Variants in CPEB3 observed in about 807,000 individuals in gnomAD.
CPEB3 encodes the protein cytoplasmic polyadenylation element-binding protein 3.
Under a neutral mutation model 67.2 loss-of-function variants are expected in CPEB3, and 20 were observed. That is an observed-to-expected ratio of 0.30 (90% CI 0.21 to 0.43). The LOEUF (loss-of-function observed/expected upper bound fraction) is 0.43, where lower values mean the gene tolerates loss of function less well. Among genes scored for constraint, CPEB3 ranks in the 20% least tolerant of loss-of-function variants. The pLI is 1.00. For synonymous variants in CPEB3, 376 were observed against 393.1 expected (o/e 0.96, Z 0.51); for missense variants, 746 against 968.6 (o/e 0.77, Z 3.05).
At chr10:92,156,797 T>C (rs1847230022) in intron 4 of CPEB3, among the ~76,000 whole-genome samples, 1 of 152,172 alleles carries the variant, frequency 6.6e-6, no homozygotes, top group African/African-American at 2.4e-5. Flanking sequence ...ATGATGATGA[T>C]GAAAAGCAAA....
intron 7 of CPEB3, among the ~76,000 whole-genome samples, chr10:92,101,862 T>C (rs1844205064): frequency 6.6e-6 from 1 of 152,134 alleles, no homozygotes; most frequent in Non-Finnish European, 1.5e-5. Flanking sequence ...GAGCCGAGAT[T>C]ATGCCACTGC....
intron 1 of CPEB3, among the ~76,000 whole-genome samples, chr10:92,251,440 T>C (rs1852298965): frequency 6.6e-6 from 1 of 152,098 alleles, no homozygotes; most frequent in African/African-American, 2.4e-5. Context: ...AATACTGAGA[T>C]TTAAAGTTAT....
chr10:92,163,358 C>T (rs1210827280), intron 4 of CPEB3, among the ~76,000 whole-genome samples: 2 of 151,910 alleles, frequency 1.3e-5, no homozygotes, highest in Non-Finnish European at 2.9e-5. Flanking sequence ...CGCTTGAACC[C>T]GGGAGGCGGA....
At chr10:92,095,160 C>G (rs1324074376) in intron 7 of CPEB3, among the ~76,000 whole-genome samples, 1 of 152,112 alleles carries the variant, frequency 6.6e-6, no homozygotes, top group Non-Finnish European at 1.5e-5. Context: ...TCTGCCCACT[C>G]CCCAACCCCC....
At chr10:92,104,185 AAAGT>A (rs1231306846) in intron 7 of CPEB3, among the ~76,000 whole-genome samples, 1 of 152,236 alleles carries the variant, frequency 6.6e-6, no homozygotes, top group East Asian at 1.9e-4. Context: ...TACAATGCAC[AAAGT>A]AAGTGCTCAA....
intron 2 of CPEB3, among the ~76,000 whole-genome samples, chr10:92,218,498 C>T (rs1406414086): frequency 6.6e-6 from 1 of 152,152 alleles, no homozygotes; most frequent in Non-Finnish European, 1.5e-5. Flanking sequence ...CATTACATGG[C>T]CAATTGAAAA....
chr10:92,179,518 T>A (rs1407649278), intron 4 of CPEB3, among the ~76,000 whole-genome samples: 1 of 152,220 alleles, frequency 6.6e-6, no homozygotes, highest in Non-Finnish European at 1.5e-5. Context: ...CTTTTCACAA[T>A]TAATTATTGC....
intron 1 of CPEB3, among the ~76,000 whole-genome samples, chr10:92,257,688 G>A (rs938157751): frequency 2.0e-5 from 3 of 151,410 alleles, no homozygotes; most frequent in Non-Finnish European, 4.4e-5. Context: ...AACAGAATCC[G>A]GTTCCTGATA....
At chr10:92,218,191 G>A (rs761874952) in intron 2 of CPEB3, among the ~76,000 whole-genome samples, 11 of 152,106 alleles carry the variant, frequency 7.2e-5, no homozygotes, top group East Asian at 1.9e-4. Context: ...GGCAGATCAC[G>A]AGGTCAGGAG....
At chr10:92,223,386 A>G (rs578246257) in intron 2 of CPEB3, among the ~76,000 whole-genome samples, 65 of 152,008 alleles carry the variant, frequency 4.3e-4, no homozygotes, top group African/African-American at 1.5e-3. Flanking sequence ...CCACTCTAAA[A>G]CCCACCTGAT....
intron 1 of CPEB3, among the ~76,000 whole-genome samples, chr10:92,289,708 G>A (rs1377450513): frequency 1.5e-4 from 6 of 40,120 alleles, no homozygotes; most frequent in Non-Finnish European, 2.5e-4. Flanking sequence ...TGGCGAGACC[G>A]CGTCTCTACC....
chr10:92,184,741 C>T (rs1848612379), intron 3 of CPEB3, among the ~76,000 whole-genome samples: 1 of 152,124 alleles, frequency 6.6e-6, no homozygotes, highest in Non-Finnish European at 1.5e-5. Context: ...CATCTTTAAG[C>T]TGGTTTCTTT....
At chr10:92,081,622 G>A in intron 8 of CPEB3, 121 bp from the exon 9 acceptor site, 2 of 860,666 alleles carry the variant, frequency 2.3e-6, no homozygotes, top group Non-Finnish European at 3.5e-6. Context: ...CCCATGTTAA[G>A]TATCATGAAG....
rs1046492025 is a variant in CPEB3 at position 92,263,372 on chromosome 10, C to T, written c.-11-23011G>A. On this transcript the variant is annotated intron_variant, in intron 1 of 9. Coordinates refer to ENST00000265997, the MANE Select transcript of CPEB3 (RefSeq NM_014912.5). ...ATTACGGGCCTCGTGAGCCACTGTG[C>T]CCAGCCCAATAAAGCATTTTTAATA... 2.0e-5 allele frequency among the ~76,000 whole-genome samples: 3 copies of T among 152,122 alleles called. No individual in the cohort carries two copies. In the South Asian group the frequency reaches 6.2e-4, roughly 32 times the overall value.
chr10:92,251,306 T>A (rs532154089), intron 1 of CPEB3, among the ~76,000 whole-genome samples: 1 of 152,138 alleles, frequency 6.6e-6, no homozygotes, highest in Non-Finnish European at 1.5e-5. Flanking sequence ...TGTACCTTCT[T>A]CCCTTTTCCT....
intron 6 of CPEB3, chr10:92,136,778 C>G (rs888945335): frequency 6.6e-6 from 1 of 152,384 alleles, no homozygotes; most frequent in African/African-American, 2.4e-5. Context: ...CCAGGCTGGT[C>G]TCGAACTCCT....
intron 2 of CPEB3, among the ~76,000 whole-genome samples, chr10:92,201,529 GAAACAAACAAAC>G (rs10627521): frequency 6.6e-6 from 1 of 151,586 alleles, no homozygotes; most frequent in African/African-American, 2.4e-5. Flanking sequence ...CACTGTCTCA[GAAACAAACAAAC>G]AAACAAACAA....
intron 2 of CPEB3, among the ~76,000 whole-genome samples, chr10:92,200,319 C>T (rs961874670): frequency 5.3e-5 from 8 of 151,724 alleles, no homozygotes; most frequent in Admixed American, 1.3e-4. Context: ...CCGAGGTGGG[C>T]GGATCACCTG....
Position 92,240,079 on chromosome 10 carries a change from G to T in CPEB3, c.272C>A (p.Pro91Gln), listed in dbSNP as rs777979208. Residue 91 changes from proline (P) to glutamine (Q), a missense_variant, in exon 2 of 10, where the codon CCG (proline) becomes CAG (glutamine). Pro to Gln is a moderately conservative substitution (Grantham distance 76, BLOSUM62 -1). Transcript: ENST00000265997. ...LSFHQPPQQP[P>Q]PPQEPAAPGA... ...CGGTGCCGCGGGCTCCTGAGGCGGCGGCGGCTGCTGAGGAGGCTGATGGAA... is the reference window on the plus strand; with the variant it reads ...CGGTGCCGCGGGCTCCTGAGGCGGCTGCGGCTGCTGAGGAGGCTGATGGAA... The T allele has an allele frequency of 6.3e-7, 1 of 1,587,092 alleles. No individual in the cohort carries two copies. The highest frequency in any genetic ancestry group is 8.6e-7 in the Non-Finnish European group (1 of 1,166,546).
Sources: allele counts gnomAD v4.1 joint callset (sites outside exome capture counted in the v4.1 genomes callset), GRCh38; gene constraint gnomAD v4.1.1; transcripts MANE v1.5; gene names NCBI Gene and HGNC (gene_info 2026-07-23, HGNC 2026-07-21).